Variants in FOXP2 observed in about 807,000 individuals in gnomAD.
FOXP2 encodes forkhead box P2, also known as forkhead box protein P2.
FOXP2 carries 12 observed loss-of-function variants against 115.8 expected under a neutral mutation model. That is an observed-to-expected ratio of 0.10 (90% CI 0.07 to 0.17). The LOEUF is 0.17. FOXP2 is among the 10% of genes least tolerant of loss of function. The pLI, the probability that FOXP2 is intolerant of heterozygous loss-of-function variation, is 1.00. For synonymous variants in FOXP2, 328 were observed against 297.7 expected (o/e 1.10, Z -1.05); for missense variants, 629 against 843.5 (o/e 0.75, Z 3.15).
intron 2 of FOXP2, among the ~76,000 whole-genome samples, chr7:114,503,184 A>C (rs1797645270): frequency 6.6e-6 from 1 of 151,916 alleles, no homozygotes; most frequent in African/African-American, 2.4e-5. Flanking sequence ...ATCCTGAGTC[A>C]GTCTGCTATT....
At chr7:114,308,017 C>T (rs1797057005) in intron 2 of FOXP2, among the ~76,000 whole-genome samples, 1 of 152,066 alleles carries the variant, frequency 6.6e-6, no homozygotes. Flanking sequence ...AATTGTTCCT[C>T]ACCTCTCACC....
intron 2 of FOXP2, among the ~76,000 whole-genome samples, chr7:114,375,751 A>T (rs1562892911): frequency 6.6e-6 from 1 of 152,148 alleles, no homozygotes. Context: ...ATCTTTAGAT[A>T]GTCTAGCATG....
chr7:114,303,450 T>C (rs1796925159), intron 2 of FOXP2, among the ~76,000 whole-genome samples: 1 of 152,186 alleles, frequency 6.6e-6, no homozygotes, highest in Non-Finnish European at 1.5e-5. Context: ...GTGATGTTAG[T>C]AGAAGGCTTG....
chr7:114,547,369 C>T (rs1210927115), intron 3 of FOXP2, among the ~76,000 whole-genome samples: 8 of 152,116 alleles, frequency 5.3e-5, no homozygotes, highest in Non-Finnish European at 1.0e-4. Flanking sequence ...CCTCATTGCT[C>T]TATATTAATC....
intron 3 of FOXP2, among the ~76,000 whole-genome samples, chr7:114,616,626 A>G (rs887482662): frequency 5.9e-5 from 9 of 152,202 alleles, no homozygotes; most frequent in African/African-American, 1.7e-4. Flanking sequence ...TCCTGAAGAT[A>G]TTAACTCCTT....
At chr7:114,504,184 T>G (rs962786737) in intron 2 of FOXP2, among the ~76,000 whole-genome samples, 3 of 151,700 alleles carry the variant, frequency 2.0e-5, no homozygotes. Flanking sequence ...CATTTCTATG[T>G]TTTTCTAATT....
chr7:114,523,145 T>C (rs1267932969), intron 2 of FOXP2, among the ~76,000 whole-genome samples: 1 of 152,164 alleles, frequency 6.6e-6, no homozygotes, highest in Non-Finnish European at 1.5e-5. Context: ...TACATTACCC[T>C]GTAAAATTTG....
At chr7:114,273,387 A>T (rs1347902593) in intron 1 of FOXP2, among the ~76,000 whole-genome samples, 1 of 152,016 alleles carries the variant, frequency 6.6e-6, no homozygotes. Context: ...GAGTGTTCCC[A>T]TGTGAGCTTG....
At chr7:114,169,581 T>C (rs1346201011) in intron 1 of FOXP2, among the ~76,000 whole-genome samples, 2 of 152,190 alleles carry the variant, frequency 1.3e-5, no homozygotes, top group Non-Finnish European at 2.9e-5. Flanking sequence ...ACTTGGCTTG[T>C]CTCAGATGAA....
rs1808575725 is a variant in FOXP2 at position 114,689,994 on chromosome 7, G to C, written c.*68G>C. The C allele has an allele frequency of 5.0e-6, 8 of 1,588,526 alleles. No homozygotes were observed. The highest frequency in any genetic ancestry group is 6.0e-6 in the Non-Finnish European group (7 of 1,162,588). ...ACCTTCATAACCACTCCACAACCATGAATATTTGACAAATTTTTACTGTGA... is the reference window on the plus strand; with the variant it reads ...ACCTTCATAACCACTCCACAACCATCAATATTTGACAAATTTTTACTGTGA... On this transcript the variant is annotated 3_prime_UTR_variant, in exon 17 of 17. Coordinates refer to ENST00000350908, the MANE Select transcript of FOXP2 (RefSeq NM_014491.4).
chr7:114,494,073 G>A (rs977833278), intron 2 of FOXP2, among the ~76,000 whole-genome samples: 3 of 151,818 alleles, frequency 2.0e-5, no homozygotes, highest in Non-Finnish European at 4.4e-5. Flanking sequence ...ACAATTAGAG[G>A]TAACTTTTTA....
chr7:114,243,496 T>C (rs1443938742), intron 1 of FOXP2, among the ~76,000 whole-genome samples: 1 of 152,004 alleles, frequency 6.6e-6, no homozygotes, highest in African/African-American at 2.4e-5. Context: ...GAGGAGGAGG[T>C]TGCTATTGAG....
chr7:114,239,465 T>C (rs1396453357), intron 1 of FOXP2, among the ~76,000 whole-genome samples: 1 of 152,180 alleles, frequency 6.6e-6, no homozygotes, highest in Non-Finnish European at 1.5e-5. Context: ...GAAATGTTGA[T>C]GAATTAAATG....
At chr7:114,192,218 C>T (rs1280616569) in intron 1 of FOXP2, among the ~76,000 whole-genome samples, 1 of 148,928 alleles carries the variant, frequency 6.7e-6, no homozygotes, top group East Asian at 2.0e-4. Context: ...ATCTCTTGAC[C>T]TCGTGATCTG....
rs192125211 is a variant in FOXP2, at chr7:114,259,063, A to G, written c.-101-28956A>G. 9.2e-5 allele frequency among the ~76,000 whole-genome samples: 14 copies of G among 152,314 alleles called. No homozygotes were observed. The East Asian group carries it at 2.5e-3, about 27-fold the overall frequency. ...AATTTATTATCTTACCAAGTCAAAT[A>G]CAGATGCAGCTTTCATAAAAGGAAT... is the stretch of plus-strand genomic sequence containing the variant. On this transcript the variant is annotated intron_variant, in intron 1 of 17. Transcript: ENST00000634411.
At chr7:114,548,690 A>G (rs1166216604) in intron 3 of FOXP2, among the ~76,000 whole-genome samples, 2 of 152,198 alleles carry the variant, frequency 1.3e-5, no homozygotes, top group East Asian at 3.8e-4. Flanking sequence ...AGCACTAGGT[A>G]AAGAACAATA....
chr7:114,133,079 G>T (rs1479268024), intron 1 of FOXP2, among the ~76,000 whole-genome samples: 4 of 152,176 alleles, frequency 2.6e-5, no homozygotes, highest in African/African-American at 4.8e-5. Context: ...AACAAGAGTA[G>T]TAATAGTAAT....
At chr7:114,296,779 T>C (rs907613637) in intron 2 of FOXP2, among the ~76,000 whole-genome samples, 2 of 152,166 alleles carry the variant, frequency 1.3e-5, no homozygotes, top group Non-Finnish European at 2.9e-5. Context: ...AGATGAAAAG[T>C]AAACATTTAT....
At chr7:114,539,690 T>G (rs1231006553) in intron 3 of FOXP2, among the ~76,000 whole-genome samples, 1 of 152,080 alleles carries the variant, frequency 6.6e-6, no homozygotes, top group Non-Finnish European at 1.5e-5. Context: ...AAGAATGTTA[T>G]AGAATACAAT....
Sources: gnomAD v4.1 joint callset for allele counts (sites outside exome capture counted in the v4.1 genomes callset) on GRCh38, gnomAD v4.1.1 for gene constraint, MANE v1.5 for transcripts, NCBI Gene and HGNC (gene_info 2026-07-23, HGNC 2026-07-21) for gene names.